The following CNTN5 variants were observed in gnomAD, a reference collection of about 807,000 sequenced individuals.
CNTN5 encodes the protein contactin-5.
In CNTN5, 77 loss-of-function variants were observed where a neutral mutation model predicts 129.1. That is an observed-to-expected ratio of 0.60 (90% CI 0.50 to 0.72). CNTN5 has a LOEUF of 0.72. CNTN5 is among the 30% of genes least tolerant of loss of function. The pLI is 0.00. For missense variants in CNTN5, 1,478 were observed against 1,328.8 expected, an observed-to-expected ratio of 1.11 and a Z score of -1.75; for synonymous variants, 509 against 465.6, an observed-to-expected ratio of 1.09 and a Z score of -1.20.
chr11:99,056,150 T>C (rs1307664339), intron 1 of CNTN5, among the ~76,000 whole-genome samples: 3 of 151,934 alleles, frequency 2.0e-5, no homozygotes. Flanking sequence ...TATATTATAC[T>C]TTATTTCAAA....
At chr11:99,381,598 A>T (rs1940563885) in intron 2 of CNTN5, among the ~76,000 whole-genome samples, 1 of 152,300 alleles carries the variant, frequency 6.6e-6, no homozygotes, top group Middle Eastern at 3.4e-3. Context: ...TGCCTTTCTC[A>T]CAGTACTTTT....
intron 3 of CNTN5, among the ~76,000 whole-genome samples, chr11:99,783,991 C>G (rs1252866346): frequency 6.6e-6 from 1 of 151,906 alleles, no homozygotes; most frequent in East Asian, 2.0e-4. Flanking sequence ...GTATGAAATA[C>G]CTAGCTGTTT....
chr11:99,452,396 G>C (rs775796147), intron 2 of CNTN5, among the ~76,000 whole-genome samples: 1 of 72,000 alleles, frequency 1.4e-5, no homozygotes, highest in Admixed American at 1.5e-4. Context: ...TTTTTGGGAC[G>C]GAGTCTGGTT....
intron 1 of CNTN5, among the ~76,000 whole-genome samples, chr11:99,115,778 C>A (rs952212442): frequency 7.9e-5 from 12 of 151,664 alleles, no homozygotes; most frequent in South Asian, 4.2e-4. Context: ...ACAACAACAA[C>A]AAAAAAGATA....
At chr11:99,500,119 T>G (rs1946373621) in intron 2 of CNTN5, among the ~76,000 whole-genome samples, 1 of 144,340 alleles carries the variant, frequency 6.9e-6, no homozygotes, top group Non-Finnish European at 1.5e-5. Flanking sequence ...GTAGATTTGT[T>G]TGATAATGAA....
At chr11:100,305,238 C>A (rs1183042828) in intron 20 of CNTN5, among the ~76,000 whole-genome samples, 1 of 151,494 alleles carries the variant, frequency 6.6e-6, no homozygotes, top group Non-Finnish European at 1.5e-5. Flanking sequence ...TTCTAATCTG[C>A]AAAATGAGAG....
chr11:99,903,949 G>A (rs961985470), intron 6 of CNTN5, among the ~76,000 whole-genome samples: 7 of 152,060 alleles, frequency 4.6e-5, no homozygotes, highest in Non-Finnish European at 8.8e-5. Flanking sequence ...ATTCAAATCA[G>A]ACCACAATGA....
intron 9 of CNTN5, among the ~76,000 whole-genome samples, chr11:100,052,547 G>A (rs1356200362): frequency 6.6e-6 from 1 of 151,726 alleles, no homozygotes; most frequent in East Asian, 1.9e-4. Flanking sequence ...TAACATTTAT[G>A]AGAGAAATAA....
intron 3 of CNTN5, among the ~76,000 whole-genome samples, chr11:99,682,453 T>A: frequency 6.6e-6 from 1 of 151,992 alleles, no homozygotes; most frequent in East Asian, 1.9e-4. Context: ...AAATGGGGAC[T>A]ATATAAACTA....
chr11:99,916,055 T>C lies in CNTN5; in HGVS notation c.579T>C (p.Tyr193=), dbSNP rs1949780768. ...LSREATLQFA[Y]LGNFSGRTRS... is the part of the protein sequence containing the mutation. ...CTAAATGTTTTATTATGTTGACAGATCTGGGAAATTTTAGTGGCCGGACAA... is the reference window on the plus strand; with the variant it reads ...CTAAATGTTTTATTATGTTGACAGACCTGGGAAATTTTAGTGGCCGGACAA... The change falls in exon 7 of 25, where the codon TAT becomes TAC. Residue 193 remains tyrosine, a splice_region_variant and synonymous_variant. Transcript: ENST00000524871. The C allele has an allele frequency of 6.2e-7, 1 of 1,610,600 alleles. No homozygotes were observed. The highest frequency in any genetic ancestry group is 1.3e-5 in the African/African-American group (1 of 74,838).
intron 6 of CNTN5, among the ~76,000 whole-genome samples, chr11:99,914,162 A>G (rs1423240609): frequency 2.6e-5 from 4 of 152,090 alleles, no homozygotes; most frequent in African/African-American, 4.8e-5. Context: ...TCTTGACCCC[A>G]GGATTTACAG....
intron 13 of CNTN5, among the ~76,000 whole-genome samples, chr11:100,106,128 G>C (rs1369466889): frequency 6.6e-6 from 1 of 152,154 alleles, no homozygotes; most frequent in Non-Finnish European, 1.5e-5. Context: ...AGGGACTGCA[G>C]ATGGTGCTGC....
chr11:99,723,234 A>T (rs1943230570), intron 3 of CNTN5, among the ~76,000 whole-genome samples: 1 of 151,816 alleles, frequency 6.6e-6, no homozygotes, highest in Non-Finnish European at 1.5e-5. Flanking sequence ...TTGGGAAAAA[A>T]AAATCCACAT....
chr11:99,217,578 A>C (rs1050406337), intron 1 of CNTN5, among the ~76,000 whole-genome samples: 1 of 152,184 alleles, frequency 6.6e-6, no homozygotes, highest in Non-Finnish European at 1.5e-5. Context: ...CCTCAGATGC[A>C]CTTTGAGTAG....
intron 1 of CNTN5, among the ~76,000 whole-genome samples, chr11:99,084,260 T>C (rs568175250): frequency 6.7e-4 from 102 of 152,342 alleles, no homozygotes; most frequent in Non-Finnish European, 1.1e-3. Flanking sequence ...CTTTGAATCT[T>C]CAAACAGTAT....
At chr11:100,086,278 G>C (rs571670158) in intron 13 of CNTN5, among the ~76,000 whole-genome samples, 1 of 150,376 alleles carries the variant, frequency 6.6e-6, no homozygotes, top group East Asian at 1.9e-4. Flanking sequence ...AAGAATTAAA[G>C]TTACGACTTA....
intron 3 of CNTN5, among the ~76,000 whole-genome samples, chr11:99,663,625 G>A (rs755140010): frequency 2.0e-5 from 3 of 152,098 alleles, no homozygotes; most frequent in Non-Finnish European, 4.4e-5. Context: ...ATTGGATTAG[G>A]GTGGTTTCCC....
chr11:99,333,248 A>C (rs2136031891), intron 2 of CNTN5, among the ~76,000 whole-genome samples: 1 of 152,212 alleles, frequency 6.6e-6, no homozygotes, highest in African/African-American at 2.4e-5. Flanking sequence ...GATATGTTGA[A>C]AATGGGAAAA....
chr11:99,449,707 G>A (rs11219977), intron 2 of CNTN5, among the ~76,000 whole-genome samples: 26,246 of 152,168 alleles, frequency 0.17, 2,568 homozygotes, highest in Admixed American at 0.23. Context: ...GCTGGTATGT[G>A]TGGGTCTCTC....
Sources: gnomAD v4.1 joint callset for allele counts (sites outside exome capture counted in the v4.1 genomes callset) on GRCh38, gnomAD v4.1.1 for gene constraint, MANE v1.5 for transcripts, NCBI Gene and HGNC (gene_info 2026-07-23, HGNC 2026-07-21) for gene names.